Variants in DOK5 observed in about 807,000 individuals in gnomAD.
The protein encoded by DOK5 is downstream of tyrosine kinase 5.
Under a neutral mutation model 43.3 loss-of-function variants are expected in DOK5, and 27 were observed. The observed-to-expected ratio is 0.62, with a 90% CI of 0.46 to 0.86. The LOEUF is 0.86. Among genes scored for constraint, DOK5 ranks in the 40% least tolerant of loss-of-function variants. The probability of loss-of-function intolerance (pLI) is 0.00; values close to 1 mark genes in which losing one functional copy is unlikely to be tolerated. For synonymous variants in DOK5, 146 were observed against 140.1 expected (o/e 1.04, Z -0.30); for missense variants, 373 against 392.9 (o/e 0.95, Z 0.43).
At chr20:54,644,722 A>AAAAC (rs1555839828) in intron 7 of DOK5, among the ~76,000 whole-genome samples, 4 of 146,568 alleles carry the variant, frequency 2.7e-5, no homozygotes, top group Non-Finnish European at 4.5e-5. Flanking sequence ...AAAAAAAAAA[A>AAAAC]AACAAAATTT....
chr20:54,576,288 A>G (rs1276264258), intron 2 of DOK5, among the ~76,000 whole-genome samples: 2 of 152,270 alleles, frequency 1.3e-5, no homozygotes, highest in East Asian at 3.9e-4. Context: ...ATTTAAAATA[A>G]ATTTTAAATA....
At chr20:54,565,294 T>C (rs1241257136) in intron 2 of DOK5, among the ~76,000 whole-genome samples, 1 of 152,326 alleles carries the variant, frequency 6.6e-6, no homozygotes, top group East Asian at 1.9e-4. Context: ...AGAACAATTA[T>C]AACAATATAC....
intron 2 of DOK5, among the ~76,000 whole-genome samples, chr20:54,577,404 G>T (rs1056762085): frequency 5.3e-5 from 8 of 152,170 alleles, no homozygotes; most frequent in Non-Finnish European, 1.2e-4. Flanking sequence ...CATATAATGG[G>T]TCAGTGTGTT....
chr20:54,485,677 G>A (rs1464870364), intron 1 of DOK5, among the ~76,000 whole-genome samples: 1 of 152,220 alleles, frequency 6.6e-6, no homozygotes, highest in East Asian at 1.9e-4. Flanking sequence ...CAAATGTCCA[G>A]GAGTGCAATT....
At chr20:54,568,550 G>A (rs565117158) in intron 2 of DOK5, among the ~76,000 whole-genome samples, 3 of 152,068 alleles carry the variant, frequency 2.0e-5, no homozygotes, top group Admixed American at 6.5e-5. Context: ...TCTACTAATC[G>A]GTTTACATTT....
intron 1 of DOK5, among the ~76,000 whole-genome samples, chr20:54,546,425 T>C (rs1984348728): frequency 6.6e-6 from 1 of 152,146 alleles, no homozygotes; most frequent in African/African-American, 2.4e-5. Context: ...ATACTTTAAG[T>C]ACTAGGGTAC....
intron 1 of DOK5, among the ~76,000 whole-genome samples, chr20:54,502,977 T>C (rs2146679720): frequency 6.6e-6 from 1 of 152,304 alleles, no homozygotes; most frequent in South Asian, 2.1e-4. Context: ...AAAATATTCT[T>C]CAAGTTATAA....
intron 2 of DOK5, among the ~76,000 whole-genome samples, chr20:54,566,152 T>C: frequency 6.6e-6 from 1 of 151,936 alleles, no homozygotes; most frequent in East Asian, 1.9e-4. Context: ...CTACAGTTTT[T>C]TTTTTCTTTT....
chr20:54,589,192 C>T (rs1233830241), intron 4 of DOK5, among the ~76,000 whole-genome samples: 1 of 152,126 alleles, frequency 6.6e-6, no homozygotes, highest in Non-Finnish European at 1.5e-5. Flanking sequence ...AAAGACTTTC[C>T]TTCAATTCTG....
At chr20:54,644,627 A>G (rs533984915) in intron 7 of DOK5, among the ~76,000 whole-genome samples, 23 of 150,014 alleles carry the variant, frequency 1.5e-4, no homozygotes, top group African/African-American at 5.7e-4. Flanking sequence ...AATGGCGTGA[A>G]CCCGGGAGGC....
Position 54,611,567 on chromosome 20 carries a change from T to A in DOK5, c.735+1044T>A, listed in dbSNP as rs185671196. On this transcript the variant is annotated intron_variant, in intron 6 of 7. Transcript: ENST00000262593. ...CAAAGAGAGACACTGCCTAAAAATT[T>A]AAAAAAAATAATAATAATTATGTTC... Among the ~76,000 whole-genome samples, 1,412 of 150,326 alleles carry A rather than the reference T, an allele frequency of 9.4e-3. 19 individuals are homozygous for A. Among genetic ancestry groups the A allele is most frequent in the African/African-American group, 0.03 (1,218 of 41,000 alleles).
chr20:54,561,844 TG>T (rs1600703001), intron 2 of DOK5, among the ~76,000 whole-genome samples: 1 of 152,072 alleles, frequency 6.6e-6, no homozygotes, highest in Admixed American at 6.5e-5. Flanking sequence ...TTAGTAGAGA[TG>T]GGGGTTTCTC....
intron 1 of DOK5, 176 bp downstream of exon 1, chr20:54,476,188 A>T: frequency 1.0e-6 from 1 of 985,350 alleles, no homozygotes; most frequent in Non-Finnish European, 1.2e-6. Context: ...GCGTCTAGGT[A>T]TGTAATGGAT....
chr20:54,573,795 T>C (rs1396567339), intron 2 of DOK5, among the ~76,000 whole-genome samples: 2 of 152,120 alleles, frequency 1.3e-5, no homozygotes, highest in Non-Finnish European at 2.9e-5. Flanking sequence ...AAGGCCATGT[T>C]TGCAGAGAGG....
At chr20:54,485,058 A>T (rs1369527083) in intron 1 of DOK5, among the ~76,000 whole-genome samples, 2 of 151,980 alleles carry the variant, frequency 1.3e-5, no homozygotes, top group Non-Finnish European at 2.9e-5. Context: ...TAGGCTGGGC[A>T]TGATGGCTCA....
chr20:54,644,431 G>C (rs1193890005), intron 7 of DOK5, among the ~76,000 whole-genome samples: 1 of 152,076 alleles, frequency 6.6e-6, no homozygotes, highest in Non-Finnish European at 1.5e-5. Flanking sequence ...AAGGCCGGGC[G>C]CAGTGGCTCA....
intron 1 of DOK5, among the ~76,000 whole-genome samples, chr20:54,502,247 A>C (rs1467885463): frequency 2.6e-5 from 4 of 152,204 alleles, no homozygotes; most frequent in African/African-American, 9.6e-5. Context: ...TTGTGGATCC[A>C]TGTAGACCAC....
chr20:54,608,143 G>C (rs1347322715), intron 5 of DOK5, among the ~76,000 whole-genome samples: 2 of 152,114 alleles, frequency 1.3e-5, no homozygotes, highest in Non-Finnish European at 2.9e-5. Context: ...AAAGCAACTA[G>C]ATTGTCCAAG....
intron 1 of DOK5, among the ~76,000 whole-genome samples, chr20:54,546,515 A>G (rs2146720933): frequency 6.6e-6 from 1 of 152,074 alleles, no homozygotes; most frequent in Non-Finnish European, 1.5e-5. Flanking sequence ...CGTCATTTAC[A>G]TTAGGTATAT....
Sources: gnomAD v4.1 joint callset for allele counts (sites outside exome capture counted in the v4.1 genomes callset) on GRCh38, gnomAD v4.1.1 for gene constraint, MANE v1.5 for transcripts, NCBI Gene and HGNC (gene_info 2026-07-23, HGNC 2026-07-21) for gene names.